ANKFN1: variants seen among roughly 807,000 people sequenced by gnomAD.
ANKFN1 encodes ankyrin repeat and fibronectin type-III domain-containing protein 1.
In ANKFN1, 74 loss-of-function variants were observed where a neutral mutation model predicts 108.7. The observed-to-expected ratio is 0.68, with a 90% CI of 0.56 to 0.83. ANKFN1 has a LOEUF of 0.83. ANKFN1 is among the 40% of genes least tolerant of loss of function. ANKFN1 has a pLI of 0.00. For synonymous variants in ANKFN1, 547 were observed against 516.2 expected, an observed-to-expected ratio of 1.06 and a Z score of -0.81; for missense variants, 1,505 against 1,382.3, an observed-to-expected ratio of 1.09 and a Z score of -1.41.
At chr17:56,237,081 G>A (rs78350115) in intron 3 of ANKFN1, among the ~76,000 whole-genome samples, 3,444 of 152,084 alleles carry the variant, frequency 0.023, 61 homozygotes, top group South Asian at 0.059. Context: ...TACATATGTC[G>A]AGCCAACCTT....
intron 8 of ANKFN1, among the ~76,000 whole-genome samples, chr17:56,410,296 C>G (rs1291934659): frequency 6.6e-6 from 1 of 152,046 alleles, no homozygotes; most frequent in Non-Finnish European, 1.5e-5. Flanking sequence ...CAGGTTTCAC[C>G]ATATTGGCCA....
chr17:56,265,087 A>T lies in ANKFN1; in HGVS notation c.53+37130A>T, dbSNP rs147061476. ...TTAATGTTATTTAAAAATAATAATA[A>T]ATGTTGATATAGGCTCATGGGTTTT... On this transcript the variant is annotated intron_variant, in intron 3 of 20. Transcript: ENST00000682825. Among the ~76,000 whole-genome samples, 46 of 152,270 alleles carry T rather than the reference A, an allele frequency of 3.0e-4. No individual in the cohort carries two copies. In the East Asian group the frequency reaches 6.8e-3, roughly 22 times the overall value.
intron 4 of ANKFN1, among the ~76,000 whole-genome samples, chr17:56,115,860 C>T (rs1028316137): frequency 8.5e-5 from 13 of 152,212 alleles, no homozygotes; most frequent in Non-Finnish European, 2.9e-5. Flanking sequence ...CTCTTGAGCC[C>T]CTGGTCCTAC....
chr17:56,267,521 T>G (rs1226695526), intron 3 of ANKFN1, among the ~76,000 whole-genome samples: 2 of 152,148 alleles, frequency 1.3e-5, no homozygotes, highest in Non-Finnish European at 2.9e-5. Flanking sequence ...CCTAGGTTAG[T>G]TTTAGGTTTT....
At chr17:56,057,644 G>T (rs1312924247) in intron 4 of ANKFN1, among the ~76,000 whole-genome samples, 1 of 152,006 alleles carries the variant, frequency 6.6e-6, no homozygotes, top group East Asian at 1.9e-4. Flanking sequence ...AAATTAGCCG[G>T]GTCTCATGCC....
chr17:56,342,584 A>G (rs191707334), intron 4 of ANKFN1, among the ~76,000 whole-genome samples: 3 of 151,944 alleles, frequency 2.0e-5, no homozygotes, highest in Admixed American at 2.0e-4. Context: ...ATATTATTCA[A>G]TTTCCATGTA....
intron 3 of ANKFN1, among the ~76,000 whole-genome samples, chr17:56,238,599 C>G (rs370834938): frequency 1.8e-4 from 27 of 152,088 alleles, no homozygotes; most frequent in African/African-American, 6.0e-4. Context: ...ATTAGGGTAG[C>G]AACCCCTGCT....
At chr17:56,490,211 TAA>T (rs1207582983) in intron 18 of ANKFN1, among the ~76,000 whole-genome samples, 1 of 152,180 alleles carries the variant, frequency 6.6e-6, no homozygotes, top group African/African-American at 2.4e-5. Context: ...TGTAGTAGGA[TAA>T]GTGTCATGAA....
At chr17:56,455,718 A>G (rs1598638865) in intron 11 of ANKFN1, among the ~76,000 whole-genome samples, 1 of 152,226 alleles carries the variant, frequency 6.6e-6, no homozygotes, top group Non-Finnish European at 1.5e-5. Flanking sequence ...TAGGAAGCCT[A>G]CTACCTTTAT....
At chr17:56,255,613 T>G (rs1330100017) in intron 3 of ANKFN1, among the ~76,000 whole-genome samples, 1 of 152,212 alleles carries the variant, frequency 6.6e-6, no homozygotes, top group Admixed American at 6.5e-5. Context: ...TGTTACCCTA[T>G]GAAAATGTGG....
intron 4 of ANKFN1, among the ~76,000 whole-genome samples, chr17:56,102,082 C>A (rs988486239): frequency 6.6e-6 from 1 of 152,168 alleles, no homozygotes; most frequent in African/African-American, 2.4e-5. Flanking sequence ...CCACCTCCAA[C>A]GCTTGGGAAA....
intron 4 of ANKFN1, among the ~76,000 whole-genome samples, chr17:56,087,339 G>T (rs1401030580): frequency 1.3e-5 from 2 of 151,362 alleles, no homozygotes; most frequent in African/African-American, 4.9e-5. Context: ...AGTGACTGTG[G>T]ACAACAGTGA....
At chr17:56,176,934 C>G (rs1359031517) in intron 1 of ANKFN1, among the ~76,000 whole-genome samples, 1 of 152,180 alleles carries the variant, frequency 6.6e-6, no homozygotes, top group African/African-American at 2.4e-5. Context: ...GATTGAAACA[C>G]TTGCTATTCC....
intron 4 of ANKFN1, among the ~76,000 whole-genome samples, chr17:56,090,052 T>G (rs765399660): frequency 2.6e-5 from 4 of 151,430 alleles, no homozygotes. Context: ...GTTGGACTTG[T>G]TTCTTTGAAA....
chr17:56,503,495 A>ATATATATG (rs2051446591), intron 20 of ANKFN1, among the ~76,000 whole-genome samples: 1 of 35,584 alleles, frequency 2.8e-5, no homozygotes, highest in African/African-American at 5.8e-5. Context: ...TCATATATAT[A>ATATATATG]TATATATATA....
chr17:56,232,343 G>A (rs1048446915), intron 3 of ANKFN1, among the ~76,000 whole-genome samples: 15 of 152,084 alleles, frequency 9.9e-5, no homozygotes, highest in Non-Finnish European at 1.8e-4. Context: ...AGAAATTCTC[G>A]TTCTGGTGTG....
chr17:56,340,050 G>T (rs1162953095), intron 4 of ANKFN1, among the ~76,000 whole-genome samples: 7 of 152,118 alleles, frequency 4.6e-5, no homozygotes, highest in African/African-American at 1.7e-4. Flanking sequence ...TTTCTCTAAT[G>T]ATTAGTAATG....
At chr17:56,049,989 C>G (rs892932034) in intron 4 of ANKFN1, among the ~76,000 whole-genome samples, 9 of 152,178 alleles carry the variant, frequency 5.9e-5, no homozygotes. Context: ...AATGGTTGAA[C>G]TAGTTTACAA....
chr17:56,474,239 C>T (rs1182359685), intron 15 of ANKFN1, among the ~76,000 whole-genome samples: 1 of 152,208 alleles, frequency 6.6e-6, no homozygotes, highest in African/African-American at 2.4e-5. Context: ...TATTCACCAT[C>T]TCCATTATCT....
Sources: allele counts gnomAD v4.1 joint callset (sites outside exome capture counted in the v4.1 genomes callset), GRCh38; gene constraint gnomAD v4.1.1; transcripts MANE v1.5; gene names NCBI Gene and HGNC (gene_info 2026-07-23, HGNC 2026-07-21).